SNTG2: variants seen among roughly 807,000 people sequenced by gnomAD.
SNTG2 encodes gamma-2-syntrophin.
A neutral mutation model predicts 70.9 loss-of-function variants in SNTG2; 74 were observed. The ratio of observed to expected loss-of-function variants is 1.04; its 90% CI spans 0.86 to 1.27. The LOEUF (loss-of-function observed/expected upper bound fraction) is 1.27. SNTG2 is among the 50% of genes most tolerant of loss of function. The pLI is 0.00. For synonymous variants in SNTG2, 278 were observed against 273.8 expected, an observed-to-expected ratio of 1.02 and a Z score of -0.15; for missense variants, 717 against 690.7, an observed-to-expected ratio of 1.04 and a Z score of -0.43.
intron 1 of SNTG2, among the ~76,000 whole-genome samples, chr2:1,052,048 G>A (rs549035041): frequency 4.7e-5 from 7 of 148,672 alleles, no homozygotes; most frequent in African/African-American, 1.3e-4. Context: ...TTTTATTTAG[G>A]ATTTTTTTTA....
chr2:1,068,810 C>T (rs1190841938), intron 1 of SNTG2, among the ~76,000 whole-genome samples: 1 of 152,190 alleles, frequency 6.6e-6, no homozygotes, highest in Non-Finnish European at 1.5e-5. Context: ...CTCTAATCAG[C>T]TTGTGACGTA....
chr2:1,302,462 T>TA (rs1680495202), intron 14 of SNTG2, among the ~76,000 whole-genome samples: 1 of 149,246 alleles, frequency 6.7e-6, no homozygotes, highest in South Asian at 2.1e-4. Flanking sequence ...TGTATACAAC[T>TA]GCGTATAGAG....
intron 1 of SNTG2, among the ~76,000 whole-genome samples, chr2:1,019,439 A>G (rs1660033405): frequency 6.6e-6 from 1 of 151,866 alleles, no homozygotes; most frequent in Non-Finnish European, 1.5e-5. Context: ...AATCTGAGTG[A>G]GTGTTGTGGG....
chr2:1,234,293 A>G (rs768158614), intron 9 of SNTG2, among the ~76,000 whole-genome samples: 1 of 152,204 alleles, frequency 6.6e-6, no homozygotes, highest in Non-Finnish European at 1.5e-5. Context: ...GTGAACCAAC[A>G]GTGAGCCACG....
chr2:1,184,750 C>G (rs1277326028), intron 8 of SNTG2, among the ~76,000 whole-genome samples: 1 of 152,190 alleles, frequency 6.6e-6, no homozygotes, highest in Non-Finnish European at 1.5e-5. Flanking sequence ...GGCCCTTCTT[C>G]TGACATTGGG....
At chr2:954,592 A>G (rs1439809625) in intron 1 of SNTG2, among the ~76,000 whole-genome samples, 2 of 152,204 alleles carry the variant, frequency 1.3e-5, no homozygotes, top group African/African-American at 4.8e-5. Flanking sequence ...CCCCCAGTCC[A>G]TACTAAAGTT....
At chr2:1,207,867 C>G (rs568324087) in intron 8 of SNTG2, among the ~76,000 whole-genome samples, 1 of 152,294 alleles carries the variant, frequency 6.6e-6, no homozygotes, top group South Asian at 2.1e-4. Context: ...AGGGTTGGCT[C>G]TTTAAGTGGT....
intron 11 of SNTG2, among the ~76,000 whole-genome samples, chr2:1,240,966 C>G (rs1293859159): frequency 6.6e-6 from 1 of 152,142 alleles, no homozygotes; most frequent in Non-Finnish European, 1.5e-5. Context: ...AACAGAAGTT[C>G]TGAAACTTTT....
chr2:1,147,476 C>G (rs955709443), intron 6 of SNTG2, among the ~76,000 whole-genome samples: 1 of 152,232 alleles, frequency 6.6e-6, no homozygotes, highest in African/African-American at 2.4e-5. Context: ...ATGCTGGATG[C>G]TTCCTGCCCT....
chr2:1,237,202 C>G (rs938036763), intron 9 of SNTG2, among the ~76,000 whole-genome samples: 8 of 152,148 alleles, frequency 5.3e-5, no homozygotes, highest in African/African-American at 1.9e-4. Context: ...CTCAGTCTTC[C>G]AACGTCCTGT....
chr2:1,225,031 T>C (rs1245728392), intron 9 of SNTG2, among the ~76,000 whole-genome samples: 1 of 152,248 alleles, frequency 6.6e-6, no homozygotes, highest in Non-Finnish European at 1.5e-5. Context: ...AGAGGCTCTT[T>C]GTTAGTTAAG....
At chr2:1,125,298 T>C (rs6715197) in intron 4 of SNTG2, among the ~76,000 whole-genome samples, 72,187 of 152,086 alleles carry the variant, frequency 0.47, 18,158 homozygotes, top group East Asian at 0.66. Flanking sequence ...TTTCTTCATT[T>C]ATGAACTTTA....
rs137966806 is a variant in SNTG2, at chr2:1,336,775, G to A, written c.1488+20400G>A. Among the ~76,000 whole-genome samples the A allele has an allele frequency of 2.6e-4, 38 of 148,754 alleles. No homozygotes were observed. In the East Asian group the frequency reaches 6.4e-3, roughly 25 times the overall value. On this transcript the variant is annotated intron_variant, in intron 16 of 16. Transcript: ENST00000308624. Reference sequence around the variant, plus strand: ...TAAAGGAGCAACTGATGGTAAAAGCGTGGATTTATCTTTGGGGTCTCAATT... The same window carrying A: ...TAAAGGAGCAACTGATGGTAAAAGCATGGATTTATCTTTGGGGTCTCAATT...
intron 15 of SNTG2, among the ~76,000 whole-genome samples, chr2:1,312,989 G>T (rs190292234): frequency 1.3e-5 from 2 of 152,306 alleles, no homozygotes; most frequent in African/African-American, 4.8e-5. Flanking sequence ...TTTGAACTGA[G>T]AGCACCTCCA....
chr2:1,279,806 C>T (rs953198369), intron 14 of SNTG2, among the ~76,000 whole-genome samples: 1 of 152,132 alleles, frequency 6.6e-6, no homozygotes, highest in South Asian at 2.1e-4. Flanking sequence ...CATCCAGCTG[C>T]GAAGCAAAGT....
chr2:1,037,100 G>A (rs1661174718), intron 1 of SNTG2, among the ~76,000 whole-genome samples: 2 of 152,208 alleles, frequency 1.3e-5, no homozygotes, highest in African/African-American at 2.4e-5. Context: ...TGAGTGGCTC[G>A]CAGCTGCACG....
chr2:1,301,637 T>C (rs1017231169), intron 14 of SNTG2, among the ~76,000 whole-genome samples: 1 of 152,174 alleles, frequency 6.6e-6, no homozygotes, highest in Non-Finnish European at 1.5e-5. Context: ...ATTCAAATTA[T>C]AGTGGCGTTC....
chr2:1,315,095 T>C (rs1558200950), intron 15 of SNTG2, among the ~76,000 whole-genome samples: 1 of 152,234 alleles, frequency 6.6e-6, no homozygotes, highest in Non-Finnish European at 1.5e-5. Context: ...AAAAGGATCC[T>C]GATGCCCAAA....
intron 1 of SNTG2, among the ~76,000 whole-genome samples, chr2:984,689 A>G (rs548095777): frequency 6.7e-4 from 102 of 152,300 alleles, no homozygotes; most frequent in African/African-American, 2.5e-3. Flanking sequence ...AGCGGCCTCC[A>G]TGAGGGCACT....
Sources: allele counts gnomAD v4.1 joint callset (sites outside exome capture counted in the v4.1 genomes callset), GRCh38; gene constraint gnomAD v4.1.1; transcripts MANE v1.5; gene names NCBI Gene and HGNC (gene_info 2026-07-23, HGNC 2026-07-21).